MAX: variants seen among roughly 807,000 people sequenced by gnomAD.
MAX encodes protein max.
Under a neutral mutation model 22.3 loss-of-function variants are expected in MAX, and 3 were observed. The observed-to-expected ratio is 0.13, with a 90% confidence interval of 0.06 to 0.35. MAX has a LOEUF of 0.35. Ranked by LOEUF, MAX falls within the 10% of genes least tolerant of loss-of-function variation. The probability of loss-of-function intolerance (pLI) is 1.00; values close to 1 mark genes in which losing one functional copy is unlikely to be tolerated. For synonymous variants in MAX, 72 were observed against 77.7 expected, an observed-to-expected ratio of 0.93 and a Z score of 0.39; for missense variants, 119 against 209.4, an observed-to-expected ratio of 0.57 and a Z score of 2.66.
intron 3 of MAX, chr14:65,040,932 T>G: frequency 6.2e-7 from 1 of 1,612,830 alleles, no homozygotes; most frequent in South Asian, 1.1e-5. Context: ...AAGTATCTTT[T>G]GAGCCATCCC....
intron 2 of MAX, among the ~76,000 whole-genome samples, chr14:65,097,495 T>C (rs2063705388): frequency 6.6e-6 from 1 of 152,224 alleles, no homozygotes; most frequent in Admixed American, 6.5e-5. Flanking sequence ...ACAGGCTACC[T>C]GACAGCTAAC....
rs750198603 is a variant in MAX at position 65,047,455 on chromosome 14, C to T, written c.172-41171G>A. ...TAGCTCACTTGTAGTAAAAGAAATG[C>T]TAATCAAAAGAGTGGCACTATTTGT... On this transcript the variant is annotated intron_variant, in intron 3 of 3. Transcript: ENST00000341653. The surrounding 1 kb of genome is among the most constrained non-coding windows in gnomAD (Gnocchi z 5.2). 1.3e-5 allele frequency among the ~76,000 whole-genome samples: 2 copies of T among 152,152 alleles called. No individual in the cohort carries two copies. Among genetic ancestry groups the T allele is most frequent in the Non-Finnish European group, 2.9e-5 (2 of 68,034 alleles).
At chr14:65,091,227 G>T (rs1002134274) in intron 3 of MAX, among the ~76,000 whole-genome samples, 1 of 152,154 alleles carries the variant, frequency 6.6e-6, no homozygotes, top group African/African-American at 2.4e-5. Flanking sequence ...AAAAACGCCA[G>T]GTTTAGTGAG....
Position 65,078,199 on chromosome 14 carries a change from A to T in MAX, c.172-163T>A, listed in dbSNP as rs977793456. Among the ~76,000 whole-genome samples the T allele has an allele frequency of 1.7e-4, 26 of 151,662 alleles. No individual in the cohort carries two copies. The highest frequency in any genetic ancestry group is 5.1e-4 in the African/African-American group (21 of 41,462). On this transcript the variant is annotated intron_variant, in intron 3 of 4. Coordinates refer to ENST00000358664, the MANE Select transcript of MAX (RefSeq NM_002382.5). The surrounding 1 kb of genome is among the most constrained non-coding windows in gnomAD (Gnocchi z 6.4). ...TGGCTACTGTAGGCTTTATTTATTT[A>T]TTTATTTTTTTATTTTTTTGAGACA...
chr14:65,035,589 G>C (rs1465622978), intron 3 of MAX, among the ~76,000 whole-genome samples: 3 of 152,002 alleles, frequency 2.0e-5, no homozygotes, highest in Admixed American at 6.6e-5. Flanking sequence ...GAGTGTAGTG[G>C]TGTGATCACA....
intron 3 of MAX, among the ~76,000 whole-genome samples, chr14:65,086,387 G>A (rs1259828785): frequency 4.6e-5 from 7 of 152,168 alleles, no homozygotes; most frequent in Admixed American, 4.6e-4. Context: ...AGAAAAATGT[G>A]GGAAAGTTTC....
At position 65,088,450 on chromosome 14, in the gene MAX, C is replaced by T. The variant is rs1305863443; in HGVS notation, c.171+5258G>A. Among the ~76,000 whole-genome samples, 1 of 152,146 alleles carries T rather than the reference C, an allele frequency of 6.6e-6. No homozygotes were observed. The highest frequency in any genetic ancestry group is 2.4e-5 in the African/African-American group (1 of 41,420). ...TAGAAACTTTAAAAAGATAATTGCC[C>T]AAGTTGGAGTCTGACTAGCTAATAT... is the stretch of plus-strand genomic sequence containing the variant. On this transcript the variant is annotated intron_variant, in intron 3 of 4. Coordinates refer to ENST00000358664, the MANE Select transcript of MAX (RefSeq NM_002382.5). The surrounding 1 kb of genome is among the most constrained non-coding windows in gnomAD (Gnocchi z 5.2).
intron 3 of MAX, chr14:65,041,012 G>A (rs2062340664): frequency 6.5e-7 from 1 of 1,546,602 alleles, no homozygotes; most frequent in Non-Finnish European, 8.8e-7. Context: ...GTTTGGCTAT[G>A]GGAAGGGCTA....
At chr14:65,010,078 T>A (rs1416706127) in intron 3 of MAX, among the ~76,000 whole-genome samples, 1 of 152,120 alleles carries the variant, frequency 6.6e-6, no homozygotes, top group African/African-American at 2.4e-5. Context: ...CTCTTGGAGG[T>A]CTCTAGCCCT....
intron 3 of MAX, chr14:65,022,205 T>C (rs2061901574): frequency 2.6e-6 from 1 of 386,212 alleles, no homozygotes. Context: ...AGCTCATGCA[T>C]CTTGCATTTA....
rs1238767189 is a variant in MAX at position 65,031,615 on chromosome 14, C to T, written c.172-25331G>A. ...ACAGGCATGAGCAACTGTGCCCAGC[C>T]TAATAATGCTTTTTTAAAAAATAGC... On this transcript the variant is annotated intron_variant, in intron 3 of 3. Transcript: ENST00000341653. The surrounding 1 kb of genome is among the most constrained non-coding windows in gnomAD (Gnocchi z 4.6). Among the ~76,000 whole-genome samples the T allele has an allele frequency of 6.6e-6, 1 of 151,788 alleles. No homozygotes were observed. The highest frequency in any genetic ancestry group is 1.5e-5 in the Non-Finnish European group (1 of 67,956).
At chr14:65,089,056 T>C (rs1401357548) in intron 3 of MAX, among the ~76,000 whole-genome samples, 1 of 152,238 alleles carries the variant, frequency 6.6e-6, no homozygotes, top group Non-Finnish European at 1.5e-5. Context: ...TGTAATCCTC[T>C]TTCCCAACAA....
rs563468928 is a variant in MAX, at chr14:65,031,979, C to CGTGTGTGTGTGTGTGT, written c.172-25711_172-25696dup. On this transcript the variant is annotated intron_variant, in intron 3 of 3. Coordinates refer to the MAX transcript ENST00000341653. The surrounding 1 kb of genome is among the most constrained non-coding windows in gnomAD (Gnocchi z 4.6). The stretch of plus-strand genomic sequence containing the variant: ...ATAGACGTGCGCCTTTTTCATTTAA[C>CGTGTGTGTGTGTGTGT]GTGTGTGTGTGTGTGTGTGTGTGTG... 3.3e-4 allele frequency among the ~76,000 whole-genome samples: 46 copies of CGTGTGTGTGTGTGTGT among 141,286 alleles called. No homozygotes were observed. Among genetic ancestry groups the CGTGTGTGTGTGTGTGT allele is most frequent in the Middle Eastern group, 3.5e-3 (1 of 284 alleles). 92.7% of individuals were successfully genotyped at this position (141,286 alleles called of 152,430 possible).
rs370980867 is a variant in MAX at position 65,034,108 on chromosome 14, A to G, written c.172-27824T>C. On this transcript the variant is annotated intron_variant, in intron 3 of 3. Transcript: ENST00000341653. ...AATTCCTTCCCAAATTGTCTGTCAG[A>G]GCTATAAAAAATTACTCTAAACATA... is the stretch of plus-strand genomic sequence containing the variant. 2.2e-4 allele frequency among the ~76,000 whole-genome samples: 34 copies of G among 152,248 alleles called. 1 individual carries two copies. Among genetic ancestry groups the G allele is most frequent in the African/African-American group, 7.9e-4 (33 of 41,534 alleles).
chr14:65,031,318 GTGTT>G lies in MAX; in HGVS notation c.172-25038_172-25035del, dbSNP rs1373319648. On this transcript the variant is annotated intron_variant, in intron 3 of 3. Transcript: ENST00000341653. This position sits in a 1 kb window ranked among gnomAD's most constrained non-coding sequence, Gnocchi z 4.6. ...CCTAAATCAAGTATAATAATTTTTT[GTGTT>G]TGTTTTTTTTTTTGAGACAGAGTCT... Among the ~76,000 whole-genome samples, 1 of 151,202 alleles carries G rather than the reference GTGTT, an allele frequency of 6.6e-6. No individual in the cohort carries two copies. Among genetic ancestry groups the G allele is most frequent in the African/African-American group, 2.4e-5 (1 of 41,160 alleles).
intron 3 of MAX, among the ~76,000 whole-genome samples, chr14:65,046,206 C>T (rs559201103): frequency 1.3e-5 from 2 of 152,252 alleles, no homozygotes; most frequent in East Asian, 3.9e-4. Flanking sequence ...GAACTCCTGA[C>T]CTCAGGTGAT....
chr14:65,057,514 G>A (rs1246760126), intron 3 of MAX, among the ~76,000 whole-genome samples: 4 of 152,166 alleles, frequency 2.6e-5, no homozygotes, highest in Admixed American at 6.5e-5. Flanking sequence ...GTTTTTGGGG[G>A]AGGGTAGGTG....
At chr14:65,074,582 G>A (rs1343765668), downstream of MAX, among the ~76,000 whole-genome samples, 1 of 152,206 alleles carries the variant, frequency 6.6e-6, no homozygotes, top group Non-Finnish European at 1.5e-5. Flanking sequence ...ACTGAGCTGC[G>A]TTCTGGCCAT....
chr14:65,076,842 C>T lies in MAX; in HGVS notation c.296-179G>A, dbSNP rs1000960649. On this transcript the variant is annotated intron_variant, in intron 4 of 4. Coordinates refer to ENST00000358664, the MANE Select transcript of MAX (RefSeq NM_002382.5). This position sits in a 1 kb window ranked among gnomAD's most constrained non-coding sequence, Gnocchi z 6.6. The stretch of plus-strand genomic sequence containing the variant: ...TCACTCACACACTTCATTTCCCTCC[C>T]GCCTTTCCCAGCTGGACCTGGGAGC... 4 of 699,324 alleles carry T rather than the reference C, an allele frequency of 5.7e-6. No individual in the cohort carries two copies. Among genetic ancestry groups the T allele is most frequent in the African/African-American group, 1.8e-5 (1 of 57,100 alleles). The allele number at this position is 699,324 out of a possible 1,614,324, so 43.3% of individuals were successfully genotyped here.
Sources: gnomAD v4.1 joint callset for allele counts (sites outside exome capture counted in the v4.1 genomes callset) on GRCh38, gnomAD v4.1.1 for gene constraint, Gnocchi (gnomAD v3.1) non-coding constraint, MANE v1.5 for transcripts, NCBI Gene and HGNC (gene_info 2026-07-23, HGNC 2026-07-21) for gene names.